Variants in CFAP44 observed in about 807,000 individuals in gnomAD.
CFAP44 encodes the protein cilia and flagella associated protein 44.
Under a neutral mutation model 216.2 loss-of-function variants are expected in CFAP44, and 134 were observed. The observed-to-expected ratio is 0.62, with a 90% CI of 0.54 to 0.72. The LOEUF (loss-of-function observed/expected upper bound fraction) is 0.72. CFAP44 is among the 30% of genes least tolerant of loss of function. The pLI is 0.00. For synonymous variants in CFAP44, 700 were observed against 727.6 expected (o/e 0.96, Z 0.61); for missense variants, 2,035 against 2,182.1 (o/e 0.93, Z 1.34).
chr3:113,399,810 A>T (rs1576589875), intron 13 of CFAP44, 96 bp downstream of exon 13: 1 of 779,324 alleles, frequency 1.3e-6, no homozygotes, highest in African/African-American at 1.8e-5. Context: ...ATTCCTTAAA[A>T]TTTTGAGTCA....
intron 28 of CFAP44, among the ~76,000 whole-genome samples, chr3:113,324,529 A>G (rs1374877273): frequency 6.6e-6 from 1 of 152,212 alleles, no homozygotes; most frequent in African/African-American, 2.4e-5. Flanking sequence ...TCATGAATCA[A>G]TGTAGACAGG....
rs180844830 is a variant in CFAP44 at position 113,351,829 on chromosome 3, C to T, written c.3065+6916G>A. Among the ~76,000 whole-genome samples, 650 of 152,270 alleles carry T rather than the reference C, an allele frequency of 4.3e-3. 8 individuals are homozygous for T. The highest frequency in any genetic ancestry group is 2.6e-3 in the Non-Finnish European group (180 of 68,022). ...ACCTCCCTGTCAAATTTGTTTCCTC[C>T]AGAATCGATGCCATCAAGCTACAGA... On this transcript the variant is annotated intron_variant, in intron 22 of 34. Coordinates refer to ENST00000393845, the MANE Select transcript of CFAP44 (RefSeq NM_001164496.2).
intron 22 of CFAP44, among the ~76,000 whole-genome samples, chr3:113,345,105 CTATACA>C (rs1425045642): frequency 1.4e-5 from 2 of 147,534 alleles, no homozygotes; most frequent in African/African-American, 4.9e-5. Context: ...GTATATATAT[CTATACA>C]TATACATATA....
chr3:113,379,607 T>A (rs1419270016), intron 16 of CFAP44, 56 bp from the exon 17 acceptor site: 1 of 1,387,238 alleles, frequency 7.2e-7, no homozygotes, highest in Non-Finnish European at 9.8e-7. Context: ...TTCGTTCATT[T>A]ACACCATTAG....
rs905064711 is a variant in CFAP44 at position 113,409,120 on chromosome 3, T to C, written c.876A>G (p.Gly292=). ...PDKEEQLTTS[G]SGHIKFWEMA... Reference sequence around the variant, plus strand: ...ACCCAACCTACTTGATGTGGCCTGATCCCGATGTAGTAAGCTGCTCTTCCT... The same window carrying C: ...ACCCAACCTACTTGATGTGGCCTGACCCCGATGTAGTAAGCTGCTCTTCCT... The change falls in exon 7 of 35, where the codon GGA becomes GGG. Residue 292 remains glycine (G), a synonymous_variant. Coordinates refer to ENST00000393845, the MANE Select transcript of CFAP44 (RefSeq NM_001164496.2). The C allele has an allele frequency of 6.2e-7, 1 of 1,611,828 alleles. No individual in the cohort carries two copies. The highest frequency in any genetic ancestry group is 1.3e-5 in the African/African-American group (1 of 74,824).
In CFAP44 at chr3:113,311,410, A is replaced by G. The variant is rs554502965; in HGVS notation, c.4517-3142T>C. ...CCCCATACTGTTCTCATGGTAGTGA[A>G]TAAGTCTCATGAGCTCTAATGGTTT... On this transcript the variant is annotated intron_variant, in intron 28 of 34. Transcript: ENST00000393845. Among the ~76,000 whole-genome samples the G allele has an allele frequency of 3.3e-5, 5 of 152,314 alleles. No individual in the cohort carries two copies. The East Asian group carries it at 9.6e-4, about 29-fold the overall frequency.
intron 23 of CFAP44, among the ~76,000 whole-genome samples, chr3:113,342,450 C>T (rs371833856): frequency 3.3e-5 from 5 of 152,084 alleles, no homozygotes; most frequent in African/African-American, 1.2e-4. Context: ...ACATTTTTTG[C>T]TTTTAAAACC....
intron 22 of CFAP44, among the ~76,000 whole-genome samples, chr3:113,348,963 T>G (rs530839188): frequency 6.6e-6 from 1 of 152,184 alleles, no homozygotes; most frequent in Non-Finnish European, 1.5e-5. Context: ...ACCTGGTATC[T>G]TAGTCAAGTA....
At chr3:113,405,808 T>C (rs763321110) in intron 8 of CFAP44, among the ~76,000 whole-genome samples, 1 of 152,252 alleles carries the variant, frequency 6.6e-6, no homozygotes, top group Non-Finnish European at 1.5e-5. Flanking sequence ...TTGATCTTTA[T>C]CTTAGCTTAA....
intron 15 of CFAP44, among the ~76,000 whole-genome samples, chr3:113,388,062 G>A (rs1045069554): frequency 1.3e-5 from 2 of 152,074 alleles, no homozygotes; most frequent in Non-Finnish European, 2.9e-5. Flanking sequence ...TAAGGTTTCT[G>A]ACTCCAGGCC....
rs547000523 is a variant in CFAP44, at chr3:113,315,630, A to G, written c.4517-7362T>C. 2.8e-4 allele frequency among the ~76,000 whole-genome samples: 42 copies of G among 152,304 alleles called. 1 individual carries two copies. The South Asian group carries it at 7.9e-3, about 29-fold the overall frequency. ...CTCCACCCAAAACAGCAGAATATAC[A>G]GACAGTTTCTGACTTAAAACGTTTT... is the stretch of plus-strand genomic sequence containing the variant. On this transcript the variant is annotated intron_variant, in intron 28 of 34. Transcript: ENST00000393845.
chr3:113,348,388 G>C (rs1950409825), intron 22 of CFAP44, among the ~76,000 whole-genome samples: 1 of 152,038 alleles, frequency 6.6e-6, no homozygotes, highest in African/African-American at 2.4e-5. Context: ...CTCTCTGATG[G>C]GGAAAAATGG....
At chr3:113,423,130 T>G (rs866031319) in intron 4 of CFAP44, among the ~76,000 whole-genome samples, 1,036 of 92,018 alleles carry the variant, frequency 0.011, 4 homozygotes, top group African/African-American at 0.039. Flanking sequence ...TTTTTTTTTT[T>G]GTGAGATGGG....
At chr3:113,294,204 T>C (rs1241852638) in intron 34 of CFAP44, 3 of 360,050 alleles carry the variant, frequency 8.3e-6, no homozygotes, top group African/African-American at 6.4e-5. Context: ...ATCCACCACA[T>C]ACAATGTATT....
chr3:113,322,929 A>C (rs1288532462), intron 28 of CFAP44, among the ~76,000 whole-genome samples: 1 of 152,200 alleles, frequency 6.6e-6, no homozygotes, highest in Non-Finnish European at 1.5e-5. Flanking sequence ...TCACAGTAGA[A>C]AGGGAAGCAA....
intron 33 of CFAP44, 94 bp downstream of exon 33, chr3:113,296,631 T>C: frequency 7.0e-7 from 1 of 1,420,956 alleles, no homozygotes; most frequent in Non-Finnish European, 9.4e-7. Flanking sequence ...CAGCTCCAGC[T>C]ACACAGATGC....
chr3:113,307,894 A>C (rs999295508), intron 29 of CFAP44, among the ~76,000 whole-genome samples: 4 of 152,152 alleles, frequency 2.6e-5, no homozygotes, highest in African/African-American at 7.2e-5. Context: ...GCAGGAGAAT[A>C]GCTTGAACCC....
At chr3:113,309,416 C>T (rs1950017178) in intron 28 of CFAP44, among the ~76,000 whole-genome samples, 1 of 152,196 alleles carries the variant, frequency 6.6e-6, no homozygotes, top group African/African-American at 2.4e-5. Flanking sequence ...TCAGCCCCAT[C>T]TCTCTTCCCT....
intron 1 of CFAP44, among the ~76,000 whole-genome samples, chr3:113,438,026 C>T (rs1935276841): frequency 6.6e-6 from 1 of 152,170 alleles, no homozygotes; most frequent in South Asian, 2.1e-4. Flanking sequence ...ACTTTGACTG[C>T]ACTTTGCAAT....
Sources: allele counts gnomAD v4.1 joint callset (sites outside exome capture counted in the v4.1 genomes callset), GRCh38; gene constraint gnomAD v4.1.1; transcripts MANE v1.5; gene names NCBI Gene and HGNC (gene_info 2026-07-23, HGNC 2026-07-21).